Variants in MID1 observed in about 807,000 individuals in gnomAD.
The protein encoded by MID1 is E3 ubiquitin-protein ligase Midline-1.
A neutral mutation model predicts 40.4 loss-of-function variants in MID1; 7 were observed. The observed-to-expected ratio is 0.17, with a 90% CI of 0.10 to 0.33. MID1 has a LOEUF of 0.33. Among genes scored for constraint, MID1 ranks in the 10% least tolerant of loss-of-function variants. The pLI is 1.00. For synonymous variants in MID1, 229 were observed against 221.2 expected (o/e 1.04, Z -0.31); for missense variants, 367 against 558.5 (o/e 0.66, Z 3.46).
At chrX:10,715,201 GGA>G (rs1427861640) in intron 1 of MID1, among the ~76,000 whole-genome samples, 6 of 112,109 alleles carry the variant, frequency 5.4e-5, no homozygotes, top group African/African-American at 1.9e-4. Context: ...AGTGGGTGCA[GGA>G]CAGTGGGTGC....
At position 10,767,749 on chromosome X, in the gene MID1, G is replaced by T. The variant is rs187671440; in HGVS notation, c.-187+65805C>A. On this transcript the variant is annotated intron_variant, in intron 1 of 10. Transcript: ENST00000380785. ...ACCTTTCAATTCTCTCAATAAGTAT[G>T]AATATTTAAAACATTTAATAAGCTA... Among the ~76,000 whole-genome samples, 770 of 111,766 alleles carry T rather than the reference G, an allele frequency of 6.9e-3. 4 individuals carry two copies. The highest frequency in any genetic ancestry group is 0.011 in the Non-Finnish European group (560 of 53,106).
intron 3 of MID1, among the ~76,000 whole-genome samples, chrX:10,513,887 C>A (rs897579620): frequency 3.6e-5 from 4 of 112,029 alleles, no homozygotes; most frequent in African/African-American, 9.7e-5. Context: ...CTCTGCTGCT[C>A]TAGTCAATCA....
In MID1 at chrX:10,702,425, A is replaced by C. The variant is rs147909411; in HGVS notation, c.-186-82006T>G. Reference sequence around the variant, plus strand: ...CTGTTCAGAAAGATGTATCTTCTTTAAACTGAGTCTGATGAATAGTTTTAT... The same window carrying C: ...CTGTTCAGAAAGATGTATCTTCTTTCAACTGAGTCTGATGAATAGTTTTAT... On this transcript the variant is annotated intron_variant, in intron 1 of 10. Transcript: ENST00000380785. Among the ~76,000 whole-genome samples, 241 of 112,372 alleles carry C rather than the reference A, an allele frequency of 2.1e-3. 1 individual carries two copies. Among genetic ancestry groups the C allele is most frequent in the Middle Eastern group, 4.6e-3 (1 of 216 alleles).
At chrX:10,593,895 C>T (rs1935362629) in intron 1 of MID1, among the ~76,000 whole-genome samples, 1 of 110,315 alleles carries the variant, frequency 9.1e-6, no homozygotes, top group Non-Finnish European at 1.9e-5. Context: ...TTTTATATGC[C>T]AAGAACTCTG....
chrX:10,592,871 T>G (rs1435157098), intron 1 of MID1, among the ~76,000 whole-genome samples: 1 of 112,153 alleles, frequency 8.9e-6, no homozygotes, highest in East Asian at 2.8e-4. Flanking sequence ...CCACTTTACT[T>G]GCATAACTAC....
chrX:10,741,602 G>A (rs1041826612), intron 1 of MID1, among the ~76,000 whole-genome samples: 1 of 109,208 alleles, frequency 9.2e-6, no homozygotes, highest in African/African-American at 3.3e-5. Context: ...GTCCACTGGG[G>A]AAAGGAGACA....
intron 1 of MID1, among the ~76,000 whole-genome samples, chrX:10,807,600 G>T (rs1171582474): frequency 8.9e-6 from 1 of 111,842 alleles, no homozygotes; most frequent in African/African-American, 3.3e-5. Flanking sequence ...CCTACAGGCT[G>T]CTTTTCCATC....
chrX:10,769,483 C>T (rs748137066), intron 1 of MID1, among the ~76,000 whole-genome samples: 2 of 111,721 alleles, frequency 1.8e-5, no homozygotes, highest in African/African-American at 6.5e-5. Flanking sequence ...CTGTTGTATG[C>T]CCTCGGAAAC....
intron 1 of MID1, among the ~76,000 whole-genome samples, chrX:10,813,365 T>C (rs1232995744): frequency 9.0e-6 from 1 of 111,434 alleles, no homozygotes; most frequent in African/African-American, 3.3e-5. Context: ...GCCAGGCACT[T>C]GACATAGGAG....
intron 1 of MID1, among the ~76,000 whole-genome samples, chrX:10,675,910 A>G (rs1337985193): frequency 9.0e-6 from 1 of 111,702 alleles, no homozygotes; most frequent in Admixed American, 9.5e-5. Context: ...ACAGACAAAG[A>G]ATATAAAGTT....
chrX:10,641,436 C>T (rs1936194193), intron 1 of MID1, among the ~76,000 whole-genome samples: 1 of 111,690 alleles, frequency 9.0e-6, no homozygotes, highest in Non-Finnish European at 1.9e-5. Flanking sequence ...TGGACAAATT[C>T]CTGGACACAT....
intron 1 of MID1, among the ~76,000 whole-genome samples, chrX:10,572,513 T>G (rs1333231138): frequency 9.0e-6 from 1 of 110,915 alleles, no homozygotes; most frequent in East Asian, 2.8e-4. Flanking sequence ...ATCATGCCAC[T>G]GCACTCCAGC....
chrX:10,674,596 C>T (rs1322334947), intron 1 of MID1, among the ~76,000 whole-genome samples: 2 of 112,241 alleles, frequency 1.8e-5, no homozygotes, highest in Non-Finnish European at 3.8e-5. Flanking sequence ...AAACTTGACG[C>T]TCTCAGGTTC....
chrX:10,614,357 G>T (rs948609190), intron 1 of MID1, among the ~76,000 whole-genome samples: 1 of 111,911 alleles, frequency 8.9e-6, no homozygotes, highest in African/African-American at 3.3e-5. Context: ...GCAGGTTGCT[G>T]AGAAAGAACA....
chrX:10,748,784 T>A (rs1461240614), intron 1 of MID1, among the ~76,000 whole-genome samples: 1 of 111,251 alleles, frequency 9.0e-6, no homozygotes, highest in Non-Finnish European at 1.9e-5. Flanking sequence ...TAAACAGGGG[T>A]CTGACCTCTA....
At chrX:10,725,380 T>C (rs753024319) in intron 1 of MID1, among the ~76,000 whole-genome samples, 23 of 112,162 alleles carry the variant, frequency 2.1e-4, no homozygotes, top group African/African-American at 7.4e-4. Flanking sequence ...TAGTATTCTC[T>C]AAGATATGAT....
intron 1 of MID1, among the ~76,000 whole-genome samples, chrX:10,756,342 A>G (rs1332206164): frequency 3.5e-5 from 4 of 112,906 alleles, no homozygotes; most frequent in African/African-American, 1.3e-4. Flanking sequence ...AAGACATTGC[A>G]TGTTAGGAGC....
At chrX:10,468,617 G>A (rs1285988484) in intron 7 of MID1, among the ~76,000 whole-genome samples, 1 of 111,654 alleles carries the variant, frequency 9.0e-6, no homozygotes, top group Non-Finnish European at 1.9e-5. Flanking sequence ...ATTGCCATTT[G>A]CCCAGTTCAA....
rs747714945 is a variant in MID1 at position 10,449,488 on chromosome X, G to A, written c.1884C>T (p.Thr628=). The change falls in exon 10 of 10, where the codon ACC becomes ACT. Residue 628 remains threonine (T), a synonymous_variant. Transcript: ENST00000317552. ...YDALNSIHLY[T]FDVAFAQPVC... is the part of the protein sequence containing the mutation. ...CAGGCTGCGCAAATGCGACGTCGAA[G>A]GTGTAGAGGTGGATGGAGTTCAAAG... 2 of 1,211,729 alleles carry A rather than the reference G, an allele frequency of 1.7e-6. No homozygotes were observed. Among genetic ancestry groups the A allele is most frequent in the East Asian group, 3.0e-5 (1 of 33,827 alleles).
Sources: allele counts gnomAD v4.1 joint callset (sites outside exome capture counted in the v4.1 genomes callset), GRCh38; gene constraint gnomAD v4.1.1; transcripts MANE v1.5; gene names NCBI Gene and HGNC (gene_info 2026-07-23, HGNC 2026-07-21).